The following XNDC1N variants were observed in gnomAD, a reference collection of about 807,000 sequenced individuals.
The protein encoded by XNDC1N is protein XNDC1N.
chr11:71,889,006 C>T, the XNDC1N span, among the ~76,000 whole-genome samples: 1 of 152,192 alleles, frequency 6.6e-6, no homozygotes, highest in African/African-American at 2.4e-5. Context: ...ATGGGAGCAG[C>T]TTCTTCAACC....
At chr11:71,924,416 T>C in the XNDC1N span, among the ~76,000 whole-genome samples, 6 of 152,090 alleles carry the variant, frequency 3.9e-5, no homozygotes, top group Non-Finnish European at 8.8e-5. Flanking sequence ...CGGTGGCTTA[T>C]GCCTGTAATC....
the XNDC1N span, chr11:71,918,964 G>A: frequency 1.4e-6 from 1 of 702,988 alleles, no homozygotes; most frequent in Admixed American, 2.0e-5. Flanking sequence ...CCTGAGGGCA[G>A]CCGAGCCAAG....
chr11:71,885,021 C>G, the XNDC1N span, among the ~76,000 whole-genome samples: 1,586 of 152,228 alleles, frequency 0.01, 24 homozygotes, highest in African/African-American at 0.037. Context: ...GCGGTGGATA[C>G]ACAGCCTGTT....
the XNDC1N span, among the ~76,000 whole-genome samples, chr11:71,901,944 C>A: frequency 2.6e-5 from 4 of 152,016 alleles, no homozygotes; most frequent in Non-Finnish European, 4.4e-5. Flanking sequence ...ACGGAAATAT[C>A]CCCTGACCTG....
the XNDC1N span, chr11:71,917,329 T>C: frequency 1.6e-6 from 1 of 634,324 alleles, no homozygotes; most frequent in Non-Finnish European, 2.8e-6. Context: ...AATATATTAA[T>C]CAATAAGTGT....
the XNDC1N span, among the ~76,000 whole-genome samples, chr11:71,869,764 A>G: frequency 6.6e-6 from 1 of 152,190 alleles, no homozygotes; most frequent in Non-Finnish European, 1.5e-5. Flanking sequence ...CCCAGTTAAG[A>G]ACCATTGCTG....
At chr11:71,875,518 G>C in the XNDC1N span, among the ~76,000 whole-genome samples, 1 of 152,058 alleles carries the variant, frequency 6.6e-6, no homozygotes, top group Non-Finnish European at 1.5e-5. Flanking sequence ...TCAATGGAAA[G>C]CTGAGGGAAA....
chr11:71,919,421 C>G, the XNDC1N span, among the ~76,000 whole-genome samples: 1 of 148,910 alleles, frequency 6.7e-6, no homozygotes. Flanking sequence ...CAGAGTCTTG[C>G]TCTGTCGCCC....
At chr11:71,880,741 T>G in the XNDC1N span, among the ~76,000 whole-genome samples, 1 of 152,214 alleles carries the variant, frequency 6.6e-6, no homozygotes, top group African/African-American at 2.4e-5. Context: ...GAACATTTGT[T>G]ATTTTCTTCT....
At chr11:71,909,730 T>C in the XNDC1N span, among the ~76,000 whole-genome samples, 109 of 151,684 alleles carry the variant, frequency 7.2e-4, no homozygotes, top group African/African-American at 2.2e-3. Context: ...TTTCTGCTTG[T>C]CTCAGACTTG....
the XNDC1N span, among the ~76,000 whole-genome samples, chr11:71,872,667 G>A: frequency 3.3e-5 from 5 of 152,274 alleles, no homozygotes; most frequent in East Asian, 5.8e-4. Context: ...GGTGGAGCTT[G>A]CAGTGAGTCG....
At chr11:71,916,404 G>C in the XNDC1N span, among the ~76,000 whole-genome samples, 1 of 152,152 alleles carries the variant, frequency 6.6e-6, no homozygotes, top group Admixed American at 6.5e-5. Context: ...CCTTAGGCTT[G>C]GGTGTTCAGG....
the XNDC1N span, chr11:71,917,561 T>C: frequency 1.4e-3 from 954 of 703,718 alleles, 6 homozygotes; most frequent in African/African-American, 0.015. Context: ...TCCTCTTTAG[T>C]ACTGCATCTC....
At chr11:71,890,214 C>T in the XNDC1N span, among the ~76,000 whole-genome samples, 4 of 152,182 alleles carry the variant, frequency 2.6e-5, no homozygotes, top group East Asian at 5.8e-4. Context: ...ATATTAGAGA[C>T]AATAACACAG....
the XNDC1N span, among the ~76,000 whole-genome samples, chr11:71,881,772 T>A: frequency 1.3e-5 from 2 of 152,050 alleles, no homozygotes; most frequent in Non-Finnish European, 2.9e-5. Flanking sequence ...AAGGAAAGAA[T>A]CAGTGAGCTT....
chr11:71,919,929 C>CT, the XNDC1N span, among the ~76,000 whole-genome samples: 455 of 26,618 alleles, frequency 0.017, 183 homozygotes, highest in Non-Finnish European at 0.027. Context: ...AAGCAGGCCT[C>CT]TTTTTTTTTT....
the XNDC1N span, among the ~76,000 whole-genome samples, chr11:71,885,584 C>T: frequency 6.6e-6 from 1 of 152,018 alleles, no homozygotes; most frequent in Non-Finnish European, 1.5e-5. Context: ...ACACCTACTG[C>T]GATATTGAAC....
At chr11:71,923,560 GT>G in the XNDC1N span, 15,638 of 432,516 alleles carry the variant, frequency 0.036, 72 homozygotes, top group East Asian at 0.072. Flanking sequence ...TTTCTGTTTT[GT>G]TTTTTTTTTT....
the XNDC1N span, among the ~76,000 whole-genome samples, chr11:71,905,330 A>T: frequency 1.7e-4 from 25 of 151,510 alleles, no homozygotes; most frequent in African/African-American, 5.6e-4. Flanking sequence ...TCTTCCTAGG[A>T]TAACCCATGT....
Sources: allele counts gnomAD v4.1 joint callset (sites outside exome capture counted in the v4.1 genomes callset), GRCh38; gene constraint gnomAD v4.1.1; transcripts MANE v1.5; gene names NCBI Gene and HGNC (gene_info 2026-07-23, HGNC 2026-07-21).